HEMK2: variants seen among roughly 807,000 people sequenced by gnomAD.
The protein encoded by HEMK2 is methyltransferase HEMK2.
At chr21:28,850,214 ATT>A in the HEMK2 span, among the ~76,000 whole-genome samples, 1 of 132,508 alleles carries the variant, frequency 7.5e-6, no homozygotes, top group Non-Finnish European at 1.6e-5. Flanking sequence ...TACATTCAGC[ATT>A]CTTTTTTTTT....
At chr21:28,754,288 T>C in the HEMK2 span, among the ~76,000 whole-genome samples, 7 of 152,282 alleles carry the variant, frequency 4.6e-5, no homozygotes, top group Non-Finnish European at 7.4e-5. Context: ...TAGCAAACAA[T>C]AAATGCATCT....
At chr21:28,682,209 AAAAC>A in the HEMK2 span, among the ~76,000 whole-genome samples, 4 of 152,134 alleles carry the variant, frequency 2.6e-5, no homozygotes, top group East Asian at 1.9e-4. Context: ...TTACAAGAAA[AAAAC>A]AAACAACCCC....
chr21:28,650,635 G>T, the HEMK2 span, among the ~76,000 whole-genome samples: 2 of 152,174 alleles, frequency 1.3e-5, no homozygotes, highest in African/African-American at 2.4e-5. Flanking sequence ...AACTGTGTGA[G>T]ATGAGTTCAG....
chr21:28,835,354 G>A, the HEMK2 span, among the ~76,000 whole-genome samples: 1 of 152,298 alleles, frequency 6.6e-6, no homozygotes, highest in East Asian at 1.9e-4. Flanking sequence ...GCCCAGAACT[G>A]CGTAGACTCA....
chr21:28,787,555 T>C, the HEMK2 span, among the ~76,000 whole-genome samples: 2 of 152,068 alleles, frequency 1.3e-5, no homozygotes, highest in Non-Finnish European at 2.9e-5. Context: ...GCTAAGGACA[T>C]GAATAGACAA....
chr21:28,787,167 A>G, the HEMK2 span, among the ~76,000 whole-genome samples: 1 of 152,240 alleles, frequency 6.6e-6, no homozygotes, highest in African/African-American at 2.4e-5. Flanking sequence ...CACATGTAGG[A>G]GAATGAAACT....
At chr21:28,841,369 A>AATATTATATATAATATAT in the HEMK2 span, among the ~76,000 whole-genome samples, 3 of 19,858 alleles carry the variant, frequency 1.5e-4, no homozygotes, top group Non-Finnish European at 2.0e-4. Context: ...ATATTATATA[A>AATATTATATATAATATAT]AATATTATAT....
the HEMK2 span, among the ~76,000 whole-genome samples, chr21:28,877,531 AAGAGAAG>A: frequency 1.0e-5 from 1 of 99,856 alleles, no homozygotes. Flanking sequence ...AAGAAAAGAG[AAGAGAAG>A]AGAGAGAGAT....
the HEMK2 span, among the ~76,000 whole-genome samples, chr21:28,844,002 A>G: frequency 2.0e-5 from 3 of 152,172 alleles, no homozygotes; most frequent in Non-Finnish European, 4.4e-5. Context: ...TTTTTAAGTC[A>G]AAGTTTTAAT....
At chr21:28,814,054 G>A in the HEMK2 span, among the ~76,000 whole-genome samples, 1 of 152,150 alleles carries the variant, frequency 6.6e-6, no homozygotes, top group Non-Finnish European at 1.5e-5. Flanking sequence ...TGGCCAACAT[G>A]GTGAAACCCC....
chr21:28,635,953 A>C, the HEMK2 span, among the ~76,000 whole-genome samples: 2 of 152,184 alleles, frequency 1.3e-5, no homozygotes, highest in Non-Finnish European at 2.9e-5. Context: ...AAATAGCCAC[A>C]GGTGGCTGGT....
At chr21:28,587,714 C>T in the HEMK2 span, among the ~76,000 whole-genome samples, 1 of 152,098 alleles carries the variant, frequency 6.6e-6, no homozygotes, top group East Asian at 1.9e-4. Flanking sequence ...AAAAATTGAT[C>T]TACAGTCTGT....
the HEMK2 span, among the ~76,000 whole-genome samples, chr21:28,811,897 A>G: frequency 6.6e-6 from 1 of 152,218 alleles, no homozygotes; most frequent in South Asian, 2.1e-4. Context: ...CAGACACCAC[A>G]TATCTAAAAT....
chr21:28,592,633 C>A, the HEMK2 span, among the ~76,000 whole-genome samples: 1 of 152,186 alleles, frequency 6.6e-6, no homozygotes, highest in Admixed American at 6.5e-5. Flanking sequence ...GCCTCTTATC[C>A]CTAGGGGACT....
chr21:28,658,353 C>CT, the HEMK2 span, among the ~76,000 whole-genome samples: 1 of 152,028 alleles, frequency 6.6e-6, no homozygotes, highest in African/African-American at 2.4e-5. Flanking sequence ...GGAAAGTTGG[C>CT]TTGAGGGCCC....
the HEMK2 span, among the ~76,000 whole-genome samples, chr21:28,709,075 T>C: frequency 3.3e-5 from 5 of 152,160 alleles, 1 homozygote; most frequent in East Asian, 7.7e-4. Flanking sequence ...TGAAAAGAGC[T>C]GGGGAGTTCT....
the HEMK2 span, among the ~76,000 whole-genome samples, chr21:28,830,353 C>G: frequency 7.9e-5 from 12 of 152,140 alleles, no homozygotes; most frequent in Admixed American, 2.6e-4. Context: ...CACTTCCCCC[C>G]CTTCACTCTC....
the HEMK2 span, among the ~76,000 whole-genome samples, chr21:28,797,044 C>G: frequency 1.9e-4 from 29 of 152,292 alleles, no homozygotes; most frequent in Admixed American, 7.8e-4. Context: ...TTCCTTCCGA[C>G]AGTTTCTAGG....
At chr21:28,607,107 T>C in the HEMK2 span, among the ~76,000 whole-genome samples, 1 of 152,154 alleles carries the variant, frequency 6.6e-6, no homozygotes. Context: ...ATATGAATGA[T>C]ATGGTAAAAA....
Sources: gnomAD v4.1 joint callset for allele counts (sites outside exome capture counted in the v4.1 genomes callset) on GRCh38, gnomAD v4.1.1 for gene constraint, MANE v1.5 for transcripts, NCBI Gene and HGNC (gene_info 2026-07-23, HGNC 2026-07-21) for gene names.